The following SLC28A2 variants were observed in gnomAD, a reference collection of about 807,000 sequenced individuals.
SLC28A2 encodes the protein solute carrier family 28 member 2.
SLC28A2 carries 69 observed loss-of-function variants against 72.9 expected under a neutral mutation model. The ratio of observed to expected loss-of-function variants is 0.95; its 90% CI spans 0.78 to 1.16. The LOEUF is 1.16. SLC28A2 is among the 50% of genes most tolerant of loss of function. The pLI is 0.00. For synonymous variants in SLC28A2, 296 were observed against 294.1 expected (o/e 1.01, Z -0.07); for missense variants, 745 against 791.1 (o/e 0.94, Z 0.70).
At chr15:45,272,895 T>A in intron 17 of SLC28A2, 111 bp downstream of exon 17, 1 of 633,066 alleles carries the variant, frequency 1.6e-6, no homozygotes, top group Non-Finnish European at 2.9e-6. Flanking sequence ...GGTAATGGCC[T>A]AGATCAGTGT....
intron 17 of SLC28A2, among the ~76,000 whole-genome samples, chr15:45,273,547 A>C (rs1046881147): frequency 6.6e-6 from 1 of 152,178 alleles, no homozygotes; most frequent in African/African-American, 2.4e-5. Context: ...AGATCATAAG[A>C]AGCCTTGTAT....
chr15:45,265,864 C>T (rs529728058), intron 9 of SLC28A2, among the ~76,000 whole-genome samples: 1 of 152,240 alleles, frequency 6.6e-6, no homozygotes, highest in Admixed American at 6.5e-5. Context: ...AGCTGGACTG[C>T]CTTTGATACT....
At chr15:45,266,601 T>C (rs1900344918) in intron 10 of SLC28A2, among the ~76,000 whole-genome samples, 1 of 152,190 alleles carries the variant, frequency 6.6e-6, no homozygotes, top group Non-Finnish European at 1.5e-5. Context: ...ACTTGCTTGG[T>C]ACATTCGTCT....
chr15:45,271,006 C>T (rs1900540107), intron 15 of SLC28A2, among the ~76,000 whole-genome samples: 1 of 152,002 alleles, frequency 6.6e-6, no homozygotes, highest in South Asian at 2.1e-4. Flanking sequence ...CATGGAAACA[C>T]AAAGAATTAA....
intron 3 of SLC28A2, among the ~76,000 whole-genome samples, chr15:45,259,670 G>A (rs955124639): frequency 1.1e-4 from 17 of 152,084 alleles, no homozygotes; most frequent in Non-Finnish European, 1.9e-4. Context: ...ACTTGTTAGC[G>A]ACCTAAAGCA....
In SLC28A2 at chr15:45,263,977, C is replaced by T. The variant is rs893305101; in HGVS notation, c.543C>T (p.Cys181=). 1.2e-6 allele frequency: 2 copies of T among 1,613,574 alleles called. No individual in the cohort carries two copies. The highest frequency in any genetic ancestry group is 2.2e-5 in the East Asian group (1 of 44,892). ...PEQLIPFAGI[C]MFILILFACS... is the part of the protein sequence containing the mutation. ...AGCTGATCCCCTTTGCAGGAATCTG[C>T]ATGTTCATCCTTATCCTCTTTGCCT... The change falls in exon 6 of 18, where the codon TGC becomes TGT. Residue 181 remains cysteine, a synonymous_variant. Coordinates refer to ENST00000347644, the MANE Select transcript of SLC28A2 (RefSeq NM_004212.4).
chr15:45,266,251 A>C, intron 10 of SLC28A2, 90 bp downstream of exon 10: 1 of 947,858 alleles, frequency 1.1e-6, no homozygotes, highest in Non-Finnish European at 1.7e-6. Flanking sequence ...CTGAAAAGTC[A>C]AATAAATGAA....
intron 15 of SLC28A2, among the ~76,000 whole-genome samples, chr15:45,270,998 T>C (rs1006029144): frequency 6.6e-6 from 1 of 152,114 alleles, no homozygotes; most frequent in Non-Finnish European, 1.5e-5. Context: ...GTCATCCTCA[T>C]GGAAACACAA....
rs17215598 is a variant in SLC28A2 at position 45,272,456 on chromosome 15, G to A, written c.1747+63G>A. The A allele has an allele frequency of 9.9e-4, 1,284 of 1,303,206 alleles. 2 individuals carry two copies. Among genetic ancestry groups the A allele is most frequent in the Non-Finnish European group, 1.3e-3 (1,158 of 905,984 alleles). 80.7% of individuals were successfully genotyped at this position (1,303,206 alleles called of 1,614,324 possible). On this transcript the variant is annotated intron_variant, in intron 16 of 17. Transcript: ENST00000347644. ...AGGGTGATGGTTGGAGGAATAATATGAGGAAGGTAGAATTGTCCTTGAGTA... is the reference window on the plus strand; with the variant it reads ...AGGGTGATGGTTGGAGGAATAATATAAGGAAGGTAGAATTGTCCTTGAGTA...
intron 17 of SLC28A2, 61 bp from the exon 18 acceptor site, chr15:45,275,335 T>C: frequency 1.0e-6 from 1 of 954,932 alleles, no homozygotes; most frequent in East Asian, 2.4e-5. Flanking sequence ...AACTTATTGA[T>C]ATGTTTTGTT....
At position 45,270,259 on chromosome 15, in the gene SLC28A2, T is replaced by C; in HGVS notation, c.1631T>C (p.Ile544Thr). 6.2e-7 allele frequency: 1 copy of C among 1,612,832 alleles called. No homozygotes were observed. Among genetic ancestry groups the C allele is most frequent in the Non-Finnish European group, 8.5e-7 (1 of 1,178,788 alleles). The change falls in exon 15 of 18, where the codon ATC becomes ACC. Residue 544 changes from isoleucine to threonine, a missense_variant. Ile to Thr is a moderately conservative substitution (Grantham distance 89). Transcript: ENST00000347644. ...TTTGCCAATCTTAGTTCCATAGGAA[T>C]CACACTTGGAGGCTTGAGTGAGTTC... Reference protein sequence around the residue: ...CGFANLSSIGITLGGLTSIVP... With the variant: ...CGFANLSSIGTTLGGLTSIVP...
At chr15:45,253,605 C>T (rs898696294) in intron 3 of SLC28A2, 85 bp downstream of exon 3, 36 of 741,262 alleles carry the variant, frequency 4.9e-5, no homozygotes, top group Middle Eastern at 3.7e-4. Flanking sequence ...TTATCACAAC[C>T]GCTCCACCTT....
At chr15:45,269,580 A>C (rs1418243232) in intron 14 of SLC28A2, 45 bp downstream of exon 14, 1 of 1,536,524 alleles carries the variant, frequency 6.5e-7, no homozygotes, top group Non-Finnish European at 9.0e-7. Context: ...GGTCTCAGCC[A>C]TGGTTATCTG....
chr15:45,268,207 C>G lies in SLC28A2; in HGVS notation c.1200-3C>G. ...ACTCTTGCCCTCTGCCCAATAACCACAGGAAGGAGAGGAATGTCCTGGAAG... is the reference window on the plus strand; with the variant it reads ...ACTCTTGCCCTCTGCCCAATAACCAGAGGAAGGAGAGGAATGTCCTGGAAG... On this transcript the variant is annotated splice_polypyrimidine_tract_variant and splice_region_variant and intron_variant, in intron 12 of 17. Transcript: ENST00000347644. 6.3e-7 allele frequency: 1 copy of G among 1,596,882 alleles called. No homozygotes were observed. The highest frequency in any genetic ancestry group is 8.6e-7 in the Non-Finnish European group (1 of 1,165,834).
intron 15 of SLC28A2, 104 bp from the exon 16 acceptor site, chr15:45,272,191 G>A (rs879096217): frequency 9.6e-5 from 79 of 824,832 alleles, no homozygotes; most frequent in African/African-American, 7.4e-4. Context: ...GCTCTTCATC[G>A]GCTGTGTTTT....
Position 45,266,189 on chromosome 15 carries a change from C to T in SLC28A2, c.942+28C>T, listed in dbSNP as rs1900331275. ...AAGCACCTTGAGGACTTTTGGTCTT[C>T]TTCCCTCTGAGGAACTGAGAATTTG... On this transcript the variant is annotated intron_variant, in intron 10 of 17. Coordinates refer to ENST00000347644, the MANE Select transcript of SLC28A2 (RefSeq NM_004212.4). The T allele has an allele frequency of 5.3e-6, 8 of 1,512,522 alleles. No individual in the cohort carries two copies. The East Asian group carries it at 1.8e-4, about 34-fold the overall frequency. 93.7% of individuals were successfully genotyped at this position (1,512,522 alleles called of 1,614,324 possible).
At chr15:45,261,527 T>C (rs1266038054) in intron 3 of SLC28A2, among the ~76,000 whole-genome samples, 3 of 152,224 alleles carry the variant, frequency 2.0e-5, no homozygotes, top group African/African-American at 7.2e-5. Context: ...GCCTCTTCTC[T>C]CAGGCCTGCA....
intron 3 of SLC28A2, 43 bp downstream of exon 3, chr15:45,253,563 G>C (rs1181742610): frequency 1.4e-6 from 2 of 1,386,988 alleles, no homozygotes; most frequent in African/African-American, 2.8e-5. Flanking sequence ...AAAGGATCTA[G>C]GGTGGGCTGC....
chr15:45,263,789 C>T (rs961736428), intron 5 of SLC28A2, 92 bp from the exon 6 acceptor site: 4 of 1,331,314 alleles, frequency 3.0e-6, no homozygotes, highest in African/African-American at 2.9e-5. Flanking sequence ...TGATCACAGG[C>T]CAGGAGTGAG....
Sources: allele counts gnomAD v4.1 joint callset (sites outside exome capture counted in the v4.1 genomes callset), GRCh38; gene constraint gnomAD v4.1.1; transcripts MANE v1.5; gene names NCBI Gene and HGNC (gene_info 2026-07-23, HGNC 2026-07-21).